The following ELOVL7 variants were observed in gnomAD, a reference collection of about 807,000 sequenced individuals.
ELOVL7 encodes the protein very long chain fatty acid elongase 7.
In ELOVL7, 27 loss-of-function variants were observed where a neutral mutation model predicts 35.7. The ratio of observed to expected loss-of-function variants is 0.76; its 90% CI spans 0.56 to 1.04. ELOVL7 has a LOEUF of 1.04. ELOVL7 is among the 50% of genes least tolerant of loss of function. ELOVL7 has a pLI of 0.00. For missense variants in ELOVL7, 327 were observed against 340.8 expected, an observed-to-expected ratio of 0.96 and a Z score of 0.32; for synonymous variants, 113 against 114.6, an observed-to-expected ratio of 0.99 and a Z score of 0.09.
intron 1 of ELOVL7, among the ~76,000 whole-genome samples, chr5:60,817,575 G>GTA (rs891572344): frequency 1.2e-4 from 18 of 145,178 alleles, no homozygotes; most frequent in East Asian, 8.0e-4. Flanking sequence ...ATATATATGT[G>GTA]TATATATATA....
At chr5:60,796,325 G>GA (rs1744259950) in intron 2 of ELOVL7, among the ~76,000 whole-genome samples, 3 of 152,198 alleles carry the variant, frequency 2.0e-5, no homozygotes, top group Admixed American at 2.0e-4. Context: ...AAACATGGGG[G>GA]ATGACTATAA....
At chr5:60,787,606 A>C (rs1471288278) in intron 2 of ELOVL7, 175 bp from the exon 3 acceptor site, 2 of 443,056 alleles carry the variant, frequency 4.5e-6, no homozygotes, top group East Asian at 9.1e-5. Flanking sequence ...ATGCAGTTGC[A>C]GACATTTCGG....
rs1742641068 is a variant in ELOVL7 at position 60,772,183 on chromosome 5, C to G, written c.65-90G>C. On this transcript the variant is annotated intron_variant, in intron 3 of 8. Coordinates refer to ENST00000508821, the MANE Select transcript of ELOVL7 (RefSeq NM_024930.3). ...ATTTCTTTAACTGAGCACCCAGATCCTACTATTAACTGTGAGCTATTTGGG... is the reference window on the plus strand; with the variant it reads ...ATTTCTTTAACTGAGCACCCAGATCGTACTATTAACTGTGAGCTATTTGGG... The G allele has an allele frequency of 9.4e-6, 7 of 740,774 alleles. No individual in the cohort carries two copies. In the South Asian group the frequency reaches 1.4e-4, roughly 15 times the overall value. 45.9% of individuals were successfully genotyped at this position (740,774 alleles called of 1,614,324 possible).
At chr5:60,755,741 C>T (rs1258654548) in intron 8 of ELOVL7, among the ~76,000 whole-genome samples, 2 of 152,116 alleles carry the variant, frequency 1.3e-5, no homozygotes, top group Non-Finnish European at 2.9e-5. Flanking sequence ...TAGTAGTGCT[C>T]AAGGGCTCTG....
At chr5:60,774,326 C>T (rs562910842) in intron 3 of ELOVL7, among the ~76,000 whole-genome samples, 4 of 152,256 alleles carry the variant, frequency 2.6e-5, no homozygotes, top group African/African-American at 9.6e-5. Context: ...TATTCCTGAG[C>T]TGCAAAGTTG....
At chr5:60,819,375 T>G (rs1319417296) in intron 1 of ELOVL7, among the ~76,000 whole-genome samples, 1 of 152,014 alleles carries the variant, frequency 6.6e-6, no homozygotes, top group African/African-American at 2.4e-5. Context: ...AAGAGTGAAG[T>G]TGAAGGGTCG....
chr5:60,802,637 T>C (rs1427046509), intron 1 of ELOVL7: 2 of 152,198 alleles, frequency 1.3e-5, no homozygotes, highest in African/African-American at 2.4e-5. Context: ...CTTTTATATC[T>C]GGGACGACTG....
At chr5:60,758,795 T>A (rs2112126872) in intron 7 of ELOVL7, among the ~76,000 whole-genome samples, 1 of 152,348 alleles carries the variant, frequency 6.6e-6, no homozygotes, top group South Asian at 2.1e-4. Context: ...ATATGTGTTC[T>A]TTATGTATAG....
At chr5:60,833,028 C>T (rs1342029431) in intron 1 of ELOVL7, among the ~76,000 whole-genome samples, 2 of 152,166 alleles carry the variant, frequency 1.3e-5, no homozygotes, top group East Asian at 1.9e-4. Flanking sequence ...GCATAATCCT[C>T]GCCCTGCCGT....
In ELOVL7 at chr5:60,834,204, T is replaced by C. The variant is rs969605981; in HGVS notation, c.-86+9956A>G. Among the ~76,000 whole-genome samples the C allele has an allele frequency of 2.6e-5, 4 of 152,126 alleles. No homozygotes were observed. The South Asian group carries it at 8.3e-4, about 31-fold the overall frequency. ...TCGCCCAGGCTGGAGTGCAGTGGCA[T>C]GATCTCGGCTAACTGCAAGCTCTGC... On this transcript the variant is annotated intron_variant, in intron 1 of 8. Transcript: ENST00000508821.
intron 1 of ELOVL7, among the ~76,000 whole-genome samples, chr5:60,817,217 T>C (rs1745563763): frequency 6.7e-6 from 1 of 149,784 alleles, no homozygotes; most frequent in Non-Finnish European, 1.5e-5. Flanking sequence ...TTCTCTAATA[T>C]ATAAAGGCTT....
chr5:60,835,568 C>T (rs1746749371), intron 1 of ELOVL7, among the ~76,000 whole-genome samples: 1 of 151,836 alleles, frequency 6.6e-6, no homozygotes. Flanking sequence ...CATGCCACCA[C>T]ACCCAGTTAT....
At chr5:60,759,044 A>G (rs1490726706) in intron 7 of ELOVL7, among the ~76,000 whole-genome samples, 1 of 152,184 alleles carries the variant, frequency 6.6e-6, no homozygotes, top group Non-Finnish European at 1.5e-5. Context: ...ACACAGTAGA[A>G]ATTGCTTTTA....
At chr5:60,811,631 G>C (rs1443095194) in intron 1 of ELOVL7, among the ~76,000 whole-genome samples, 3 of 152,118 alleles carry the variant, frequency 2.0e-5, no homozygotes, top group African/African-American at 4.8e-5. Flanking sequence ...GAGGGAGTGA[G>C]TTATTTACCA....
intron 4 of ELOVL7, among the ~76,000 whole-genome samples, chr5:60,769,995 G>A (rs1742480058): frequency 6.6e-6 from 1 of 151,216 alleles, no homozygotes; most frequent in South Asian, 2.1e-4. Flanking sequence ...AGGCTGCAGT[G>A]AGCCAAGATC....
chr5:60,754,888 T>C (rs1280198403), intron 8 of ELOVL7, 55 bp from the exon 9 acceptor site: 1 of 1,472,650 alleles, frequency 6.8e-7, no homozygotes, highest in African/African-American at 1.4e-5. Context: ...TTAACAATTC[T>C]TTACCTACCT....
chr5:60,761,320 G>C (rs1176743525), intron 7 of ELOVL7, among the ~76,000 whole-genome samples: 5 of 152,094 alleles, frequency 3.3e-5, no homozygotes, highest in Non-Finnish European at 7.4e-5. Flanking sequence ...CTATTCAAAA[G>C]AATAGCTGGA....
At chr5:60,841,324 C>A (rs1019925727) in intron 1 of ELOVL7, among the ~76,000 whole-genome samples, 2 of 151,860 alleles carry the variant, frequency 1.3e-5, no homozygotes, top group Non-Finnish European at 2.9e-5. Context: ...CTGTGCCCAG[C>A]CTGAGAATAC....
intron 7 of ELOVL7, among the ~76,000 whole-genome samples, chr5:60,762,542 C>T (rs953524932): frequency 2.6e-5 from 4 of 151,998 alleles, no homozygotes; most frequent in Non-Finnish European, 5.9e-5. Flanking sequence ...GAGAAAAAAA[C>T]CACTTTTTGT....
Sources: allele counts gnomAD v4.1 joint callset (sites outside exome capture counted in the v4.1 genomes callset), GRCh38; gene constraint gnomAD v4.1.1; transcripts MANE v1.5; gene names NCBI Gene and HGNC (gene_info 2026-07-23, HGNC 2026-07-21).